The following FLNB variants were observed in gnomAD, a reference collection of about 807,000 sequenced individuals.
The protein encoded by FLNB is filamin-B.
Under a neutral mutation model 250.6 loss-of-function variants are expected in FLNB, and 111 were observed. That is an observed-to-expected ratio of 0.44 (90% CI 0.38 to 0.52). The LOEUF is 0.52. Among genes scored for constraint, FLNB ranks in the 20% least tolerant of loss-of-function variants. FLNB has a pLI of 0.00. For synonymous variants in FLNB, 1,302 were observed against 1,372.1 expected (o/e 0.95, Z 1.13); for missense variants, 2,869 against 3,447.8 (o/e 0.83, Z 4.20).
At chr3:58,009,333 C>T (rs1445174511) in intron 1 of FLNB, among the ~76,000 whole-genome samples, 1 of 152,158 alleles carries the variant, frequency 6.6e-6, no homozygotes, top group Admixed American at 6.5e-5. Flanking sequence ...GAGGAGGAAC[C>T]GTTCTCTGCG....
At chr3:58,153,326 G>A in intron 38 of FLNB, 49 bp from the exon 39 acceptor site, 1 of 1,610,468 alleles carries the variant, frequency 6.2e-7, no homozygotes, top group Non-Finnish European at 8.5e-7. Flanking sequence ...CCTGTCTCAG[G>A]CCCTTGCCCT....
intron 1 of FLNB, among the ~76,000 whole-genome samples, chr3:58,073,123 C>T (rs955893986): frequency 1.3e-5 from 2 of 149,168 alleles, no homozygotes; most frequent in Non-Finnish European, 3.0e-5. Flanking sequence ...TGCCTGGCCA[C>T]CACCATTACC....
chr3:58,018,308 T>G (rs2097108633), intron 1 of FLNB, among the ~76,000 whole-genome samples: 1 of 151,106 alleles, frequency 6.6e-6, no homozygotes, highest in Non-Finnish European at 1.5e-5. Flanking sequence ...CTACCCTCTT[T>G]GAGCTATGTA....
intron 29 of FLNB, among the ~76,000 whole-genome samples, chr3:58,139,824 G>C (rs934267990): frequency 1.3e-5 from 2 of 152,144 alleles, no homozygotes; most frequent in African/African-American, 4.8e-5. Context: ...GCCAAGCACT[G>C]AGCAGTGGTC....
chr3:58,049,819 G>A (rs896556790), intron 1 of FLNB, among the ~76,000 whole-genome samples: 1 of 152,144 alleles, frequency 6.6e-6, no homozygotes, highest in African/African-American at 2.4e-5. Context: ...GAGGAGGGGT[G>A]GCTGATGTGG....
intron 1 of FLNB, among the ~76,000 whole-genome samples, chr3:58,065,398 A>G (rs2097184044): frequency 6.6e-6 from 1 of 152,242 alleles, no homozygotes; most frequent in African/African-American, 2.4e-5. Flanking sequence ...GCGAAGTAGC[A>G]AGAGTAGGAG....
At chr3:58,044,321 A>T (rs2097150390) in intron 1 of FLNB, among the ~76,000 whole-genome samples, 2 of 152,266 alleles carry the variant, frequency 1.3e-5, no homozygotes, top group African/African-American at 4.8e-5. Context: ...GTATTAGGCC[A>T]GGTGCCGTGT....
At chr3:58,131,144 G>C (rs1480989950) in intron 25 of FLNB, among the ~76,000 whole-genome samples, 1 of 152,158 alleles carries the variant, frequency 6.6e-6, no homozygotes, top group East Asian at 1.9e-4. Flanking sequence ...TTTCTTAGAG[G>C]AAGCAGCAGT....
At chr3:58,029,328 C>T (rs1002129520) in intron 1 of FLNB, among the ~76,000 whole-genome samples, 4 of 152,100 alleles carry the variant, frequency 2.6e-5, no homozygotes, top group Non-Finnish European at 4.4e-5. Flanking sequence ...GCAAGATATA[C>T]ACCAGAATTA....
At chr3:58,022,675 G>A (rs149935243) in intron 1 of FLNB, among the ~76,000 whole-genome samples, 6 of 152,230 alleles carry the variant, frequency 3.9e-5, no homozygotes, top group Non-Finnish European at 8.8e-5. Flanking sequence ...TGTAATTCCC[G>A]TTATGCAGAT....
chr3:58,146,041 CAGG>C lies in FLNB; in HGVS notation c.5549_5551del (p.Gly1850del). On this transcript the variant is annotated inframe_deletion, in exon 33 of 46. Transcript: ENST00000295956. ...ACCTTCACCATCGTCACAGAGGATG[CAGG>C]AGAAGGTACTGTGTGGTTTACGTGT... is the stretch of plus-strand genomic sequence containing the variant. 3.1e-6 allele frequency: 5 copies of C among 1,614,178 alleles called. No homozygotes were observed. Among genetic ancestry groups the C allele is most frequent in the Non-Finnish European group, 4.2e-6 (5 of 1,179,996 alleles).
At chr3:58,097,012 AG>A (rs144789374) in intron 6 of FLNB, among the ~76,000 whole-genome samples, 10,283 of 152,280 alleles carry the variant, frequency 0.068, 423 homozygotes, top group Admixed American at 0.093. Context: ...GATGACATCC[AG>A]GTGACCTATA....
intron 16 of FLNB, 47 bp from the exon 17 acceptor site, chr3:58,111,744 G>T (rs1395147303): frequency 2.1e-6 from 3 of 1,419,230 alleles, no homozygotes; most frequent in Middle Eastern, 3.5e-4. Flanking sequence ...CTGAGCTCTG[G>T]CTGTTGCTTC....
intron 4 of FLNB, among the ~76,000 whole-genome samples, chr3:58,094,021 G>A (rs2097233248): frequency 6.6e-6 from 1 of 152,190 alleles, no homozygotes; most frequent in Admixed American, 6.5e-5. Flanking sequence ...TAAAGGGAAT[G>A]TTCTCTATTT....
In FLNB at chr3:58,168,565, T is replaced by C; in HGVS notation, c.7324T>C (p.Tyr2442His). The change falls in exon 44 of 46, where the codon TAC (tyrosine) becomes CAC (histidine). Residue 2442 changes from tyrosine to histidine, a missense_variant. By Grantham distance (83) the Tyr-to-His change is moderately conservative. Coordinates refer to ENST00000295956, the MANE Select transcript of FLNB (RefSeq NM_001457.4). ...QETPEGYKVM[Y>H]TPMAPGNYLI... ...AACACCTGAAGGGTACAAAGTCATG[T>C]ACACCCCCATGGCTCCTGGTAACTA... 6.2e-7 allele frequency: 1 copy of C among 1,614,130 alleles called. No individual in the cohort carries two copies. Among genetic ancestry groups the C allele is most frequent in the Non-Finnish European group, 8.5e-7 (1 of 1,179,936 alleles).
At chr3:58,056,105 A>ATTTATTTAT (rs796811846) in intron 1 of FLNB, among the ~76,000 whole-genome samples, 3 of 128,730 alleles carry the variant, frequency 2.3e-5, no homozygotes, top group African/African-American at 1.2e-4. Flanking sequence ...TTATTTATTT[A>ATTTATTTAT]TTTTTTTTTT....
In FLNB at chr3:58,142,030, G is replaced by A. The variant is rs2097327998; in HGVS notation, c.5181+101G>A. On this transcript the variant is annotated intron_variant, in intron 30 of 45. Transcript: ENST00000295956. This position sits in a 1 kb window ranked among gnomAD's most constrained non-coding sequence, Gnocchi z 4.3. ...CTGGGATTGCTTAAGCCCTGTGGGT[G>A]TCCTGGTCATTGGTGTGCCCCTCAC... 3 of 979,210 alleles carry A rather than the reference G, an allele frequency of 3.1e-6. No homozygotes were observed. Among genetic ancestry groups the A allele is most frequent in the Non-Finnish European group, 4.9e-6 (3 of 608,970 alleles). 60.7% of individuals were successfully genotyped at this position (979,210 alleles called of 1,614,324 possible). A position where few individuals can be genotyped will look rare whatever the true frequency, so the allele number is the denominator to read the frequency against.
chr3:58,125,732 C>T lies in FLNB; in HGVS notation c.4050C>T (p.Thr1350=), dbSNP rs145585541. 54 of 1,614,126 alleles carry T rather than the reference C, an allele frequency of 3.3e-5. No homozygotes were observed. The African/African-American group carries it at 4.3e-4, about 13-fold the overall frequency. Residue 1350 remains threonine, a synonymous_variant, in exon 23 of 46, where the codon ACC becomes ACT. Coordinates refer to ENST00000295956, the MANE Select transcript of FLNB (RefSeq NM_001457.4). ...EAFTNKPNVF[T]VVTRGAGIGG... ...TTACCAACAAGCCCAATGTCTTCAC[C>T]GTGGTTACCAGGTAGGCAAGGCCCT...
chr3:58,062,687 T>C (rs2097180280), intron 1 of FLNB, among the ~76,000 whole-genome samples: 1 of 152,216 alleles, frequency 6.6e-6, no homozygotes. Context: ...TGCCAGTTCA[T>C]TCAGCAGCTC....
Sources: allele counts gnomAD v4.1 joint callset (sites outside exome capture counted in the v4.1 genomes callset), GRCh38; gene constraint gnomAD v4.1.1; non-coding constraint Gnocchi (gnomAD v3.1); transcripts MANE v1.5; gene names NCBI Gene and HGNC (gene_info 2026-07-23, HGNC 2026-07-21).